Variants in SCN4B observed in about 807,000 individuals in gnomAD.
SCN4B encodes the protein sodium channel regulatory subunit beta-4.
In SCN4B, 20 loss-of-function variants were observed where a neutral mutation model predicts 19.6. The observed-to-expected ratio is 1.02, with a 90% CI of 0.72 to 1.48. SCN4B has a LOEUF of 1.48. Among genes scored for constraint, SCN4B ranks in the 40% most tolerant of loss-of-function variants. SCN4B has a pLI of 0.00. For synonymous variants in SCN4B, 127 were observed against 122.8 expected (o/e 1.03, Z -0.22); for missense variants, 271 against 287.5 (o/e 0.94, Z 0.42).
intron 4 of SCN4B, among the ~76,000 whole-genome samples, chr11:118,138,469 C>T (rs1258610122): frequency 6.6e-6 from 1 of 152,164 alleles, no homozygotes; most frequent in Admixed American, 6.5e-5. Context: ...GACCTCTATT[C>T]GGATGGATCC....
At chr11:118,147,505 C>T (rs898802031) in intron 1 of SCN4B, among the ~76,000 whole-genome samples, 3 of 152,184 alleles carry the variant, frequency 2.0e-5, no homozygotes, top group African/African-American at 4.8e-5. Context: ...ACCAACCACA[C>T]TCTCCAAGAA....
Position 118,148,466 on chromosome 11 carries a change from G to A in SCN4B, c.62-3237C>T, listed in dbSNP as rs1591438338. Among the ~76,000 whole-genome samples, 4 of 152,342 alleles carry A rather than the reference G, an allele frequency of 2.6e-5. No individual in the cohort carries two copies. The highest frequency in any genetic ancestry group is 1.9e-4 in the East Asian group (1 of 5,188). On this transcript the variant is annotated intron_variant, in intron 1 of 4. Transcript: ENST00000324727. This position sits in a 1 kb window ranked among gnomAD's most constrained non-coding sequence, Gnocchi z 4.0. ...GAGAGGACTGGTGAGCATGCGCAAGGCAGGCCCCACTCTGCCAGCTGACCT... is the reference window on the plus strand; with the variant it reads ...GAGAGGACTGGTGAGCATGCGCAAGACAGGCCCCACTCTGCCAGCTGACCT...
At chr11:118,139,908 CT>C (rs1172256719) in intron 4 of SCN4B, among the ~76,000 whole-genome samples, 28 of 60,476 alleles carry the variant, frequency 4.6e-4, no homozygotes, top group Non-Finnish European at 5.9e-4. Context: ...TTTCTTTTTT[CT>C]TTTTTTTTTT....
rs1947945921 is a variant in SCN4B, at chr11:118,133,502, G to C, written c.*3525C>G. The C allele has an allele frequency of 4.4e-6, 2 of 454,228 alleles. No individual in the cohort carries two copies. The highest frequency in any genetic ancestry group is 2.3e-5 in the Admixed American group (1 of 42,580). The allele number at this position is 454,228 out of a possible 1,614,324, so 28.1% of individuals were successfully genotyped here. A position where few individuals can be genotyped will look rare whatever the true frequency, so the allele number is the denominator to read the frequency against. ...TCGAACACAAGTCAGTGCTGGCTGT[G>C]TGGGCATCTGCGCCTCCCAGAGGCA... is the stretch of plus-strand genomic sequence containing the variant. On this transcript the variant is annotated 3_prime_UTR_variant, in exon 5 of 5. Coordinates refer to ENST00000324727, the MANE Select transcript of SCN4B (RefSeq NM_174934.4).
At chr11:118,137,380 T>A (rs1414628496) in intron 4 of SCN4B, among the ~76,000 whole-genome samples, 3 of 152,088 alleles carry the variant, frequency 2.0e-5, no homozygotes, top group Non-Finnish European at 4.4e-5. Context: ...ATGTAGAAAG[T>A]TCTCAACTGG....
At chr11:118,138,875 G>C (rs1948059107) in intron 4 of SCN4B, among the ~76,000 whole-genome samples, 1 of 152,086 alleles carries the variant, frequency 6.6e-6, no homozygotes, top group Non-Finnish European at 1.5e-5. Flanking sequence ...AGAATCAATG[G>C]TGAGATGTTG....
At chr11:118,139,144 C>T (rs989124341) in intron 4 of SCN4B, among the ~76,000 whole-genome samples, 9 of 152,260 alleles carry the variant, frequency 5.9e-5, no homozygotes, top group Admixed American at 2.6e-4. Context: ...AGTGTCTGTC[C>T]CCAACCCCTT....
intron 1 of SCN4B, among the ~76,000 whole-genome samples, chr11:118,147,605 A>C (rs556284189): frequency 6.6e-6 from 1 of 152,274 alleles, no homozygotes; most frequent in South Asian, 2.1e-4. Context: ...CCAGAGGTCT[A>C]GGGACAGAAG....
Position 118,136,005 on chromosome 11 carries a change from AC to A in SCN4B, c.*1021del, listed in dbSNP as rs1565452357. ...TTGACCCAGGGCTGGGAAATGAACCACCCTGGGGGCAGGGCGTGATGGAGGG... is the reference window on the plus strand; with the variant it reads ...TTGACCCAGGGCTGGGAAATGAACCACCTGGGGGCAGGGCGTGATGGAGGG... On this transcript the variant is annotated 3_prime_UTR_variant, in exon 5 of 5. Coordinates refer to ENST00000324727, the MANE Select transcript of SCN4B (RefSeq NM_174934.4). The A allele has an allele frequency of 2.3e-6, 1 of 428,414 alleles. No homozygotes were observed. Among genetic ancestry groups the A allele is most frequent in the Non-Finnish European group, 4.6e-6 (1 of 217,410 alleles). The allele number at this position is 428,414 out of a possible 1,614,324, so 26.5% of individuals were successfully genotyped here.
chr11:118,136,798 C>T lies in SCN4B; in HGVS notation c.*229G>A, dbSNP rs766775803. On this transcript the variant is annotated 3_prime_UTR_variant, in exon 5 of 5. Coordinates refer to ENST00000324727, the MANE Select transcript of SCN4B (RefSeq NM_174934.4). ...CACCCTAGCCTCTCCTTTCTTTCTCCTGAATCTTCCACAGACCCCCTCCCC... is the reference window on the plus strand; with the variant it reads ...CACCCTAGCCTCTCCTTTCTTTCTCTTGAATCTTCCACAGACCCCCTCCCC... 1.5e-6 allele frequency: 1 copy of T among 652,178 alleles called. No homozygotes were observed. The highest frequency in any genetic ancestry group is 1.5e-5 in the South Asian group (1 of 66,214). The allele number at this position is 652,178 out of a possible 1,614,324, so 40.4% of individuals were successfully genotyped here.
Position 118,143,820 on chromosome 11 carries a change from C to T in SCN4B, c.463+13G>A, listed in dbSNP as rs750380787. 3 of 1,599,522 alleles carry T rather than the reference C, an allele frequency of 1.9e-6. No homozygotes were observed. The highest frequency in any genetic ancestry group is 2.2e-5 in the South Asian group (2 of 90,694). ...TCCCACGCCACTGCCCTGTGCCAGC[C>T]CCTACTGCATACGTCTATCAACGAC... is the stretch of plus-strand genomic sequence containing the variant. On this transcript the variant is annotated intron_variant, in intron 3 of 4. Transcript: ENST00000324727.
Position 118,134,715 on chromosome 11 carries a change from T to A in SCN4B, c.*2312A>T, listed in dbSNP as rs1242535394. The A allele has an allele frequency of 2.2e-6, 1 of 453,978 alleles. No homozygotes were observed. The highest frequency in any genetic ancestry group is 7.0e-5 in the East Asian group (1 of 14,386). 28.1% of individuals were successfully genotyped at this position (453,978 alleles called of 1,614,324 possible). The stretch of plus-strand genomic sequence containing the variant: ...GAGAGAGAGTGTGTGTGTCTGTATG[T>A]GGGTTGTAGAGATGGGACACAGAGA... On this transcript the variant is annotated 3_prime_UTR_variant, in exon 5 of 5. Coordinates refer to ENST00000324727, the MANE Select transcript of SCN4B (RefSeq NM_174934.4).
At chr11:118,146,464 GAA>G (rs1352890724) in intron 1 of SCN4B, among the ~76,000 whole-genome samples, 6 of 152,294 alleles carry the variant, frequency 3.9e-5, no homozygotes, top group African/African-American at 1.4e-4. Context: ...CCACTCTCAG[GAA>G]GGCCCTCTGT....
Position 118,143,061 on chromosome 11 carries a change from G to A in SCN4B, c.463+772C>T, listed in dbSNP as rs191286933. Among the ~76,000 whole-genome samples the A allele has an allele frequency of 8.5e-5, 13 of 152,314 alleles. No homozygotes were observed. The East Asian group carries it at 2.1e-3, about 25-fold the overall frequency. On this transcript the variant is annotated intron_variant, in intron 3 of 4. Coordinates refer to ENST00000324727, the MANE Select transcript of SCN4B (RefSeq NM_174934.4). Reference sequence around the variant, plus strand: ...AATGCAGCAGAGTCAGGATCCTTGCGCAAGTCCCCTTCCCTTTTTCTCTCT... The same window carrying A: ...AATGCAGCAGAGTCAGGATCCTTGCACAAGTCCCCTTCCCTTTTTCTCTCT...
intron 1 of SCN4B, among the ~76,000 whole-genome samples, chr11:118,147,777 T>A (rs766528294): frequency 1.3e-5 from 2 of 152,176 alleles, no homozygotes; most frequent in African/African-American, 4.8e-5. Flanking sequence ...TGATAGCTAA[T>A]GGCCTCCCTC....
intron 1 of SCN4B, among the ~76,000 whole-genome samples, chr11:118,150,520 C>A (rs534890095): frequency 6.6e-6 from 1 of 152,314 alleles, no homozygotes; most frequent in African/African-American, 2.4e-5. Context: ...TATTTACCTT[C>A]CCCCTCACCA....
Position 118,145,032 on chromosome 11 carries a change from T to C in SCN4B, c.234+25A>G, listed in dbSNP as rs760299049. ...GGCATGGGTGAGGGAGGCTGGGCTG[T>C]ACTGTTCTTCCTCCAAATACTTACA... On this transcript the variant is annotated intron_variant, in intron 2 of 4. Coordinates refer to ENST00000324727, the MANE Select transcript of SCN4B (RefSeq NM_174934.4). 1.9e-5 allele frequency: 30 copies of C among 1,611,800 alleles called. 1 individual carries two copies. In the South Asian group the frequency reaches 3.3e-4, roughly 18 times the overall value.
intron 2 of SCN4B, among the ~76,000 whole-genome samples, chr11:118,144,679 A>G (rs978939384): frequency 6.6e-6 from 1 of 151,876 alleles, no homozygotes; most frequent in African/African-American, 2.4e-5. Flanking sequence ...CTGCCAGTCC[A>G]GCTTCTCAGC....
intron 1 of SCN4B, among the ~76,000 whole-genome samples, chr11:118,150,960 T>C (rs1360046728): frequency 6.6e-6 from 1 of 152,160 alleles, no homozygotes; most frequent in African/African-American, 2.4e-5. Context: ...TCACTCTGCT[T>C]TCTCCTGGGC....
Sources: gnomAD v4.1 joint callset for allele counts (sites outside exome capture counted in the v4.1 genomes callset) on GRCh38, gnomAD v4.1.1 for gene constraint, Gnocchi (gnomAD v3.1) non-coding constraint, MANE v1.5 for transcripts, NCBI Gene and HGNC (gene_info 2026-07-23, HGNC 2026-07-21) for gene names.